Variants in ASB7 observed in about 807,000 individuals in gnomAD.
ASB7 encodes the protein ankyrin repeat and SOCS box protein 7.
Under a neutral mutation model 32.5 loss-of-function variants are expected in ASB7, and 4 were observed. The observed-to-expected ratio is 0.12, with a 90% CI of 0.06 to 0.28. The LOEUF (loss-of-function observed/expected upper bound fraction) is 0.28. Ranked by LOEUF, ASB7 falls within the 10% of genes least tolerant of loss-of-function variation. The probability of loss-of-function intolerance (pLI) is 1.00; values close to 1 mark genes in which losing one functional copy is unlikely to be tolerated. For missense variants in ASB7, 181 were observed against 407.1 expected (o/e 0.44, Z 4.78); for synonymous variants, 172 against 155.6 (o/e 1.11, Z -0.78).
chr15:100,617,476 C>T lies in ASB7; in HGVS notation c.211+5049C>T, dbSNP rs62019329. Among the ~76,000 whole-genome samples, 542 of 152,282 alleles carry T rather than the reference C, an allele frequency of 3.6e-3. 1 individual carries two copies. The highest frequency in any genetic ancestry group is 6.1e-3 in the Non-Finnish European group (415 of 68,028). ...GGTCACGCTTCTGCTCTCTCCCCAC[C>T]CCTGCCCCATCACCTTGCTCTGCCT... On this transcript the variant is annotated intron_variant, in intron 4 of 5. Transcript: ENST00000332783.
intron 5 of ASB7, among the ~76,000 whole-genome samples, chr15:100,643,500 TTTTG>T (rs1333667373): frequency 6.9e-6 from 1 of 144,128 alleles, no homozygotes; most frequent in Non-Finnish European, 1.5e-5. Flanking sequence ...TTTTTTTTTT[TTTTG>T]AGGCAGAGGC....
intron 5 of ASB7, among the ~76,000 whole-genome samples, chr15:100,640,774 G>C (rs1008898162): frequency 6.6e-6 from 1 of 152,186 alleles, no homozygotes; most frequent in Admixed American, 6.5e-5. Context: ...GATGTCACAG[G>C]GAGGTGATTT....
In ASB7 at chr15:100,650,607, A is replaced by G. The variant is rs1379194042; in HGVS notation, c.*2145A>G. 6.6e-6 allele frequency: 1 copy of G among 152,146 alleles called. No individual in the cohort carries two copies. The highest frequency in any genetic ancestry group is 1.5e-5 in the Non-Finnish European group (1 of 68,016). The allele number at this position is 152,146 out of a possible 1,614,324, so 9.4% of individuals were successfully genotyped here. A position where few individuals can be genotyped will look rare whatever the true frequency, so the allele number is the denominator to read the frequency against. ...CATTCAGAGGTTTCCAAACTAAGCC[A>G]CTGAGTTTGAGTCAGGGAATTCCAC... is the stretch of plus-strand genomic sequence containing the variant. On this transcript the variant is annotated 3_prime_UTR_variant, in exon 6 of 6. Coordinates refer to ENST00000332783, the MANE Select transcript of ASB7 (RefSeq NM_198243.3).
At chr15:100,645,519 C>T (rs2039991840) in intron 5 of ASB7, 1 of 650,528 alleles carries the variant, frequency 1.5e-6, no homozygotes, top group African/African-American at 1.8e-5. Flanking sequence ...AGAACTTTCT[C>T]TTCATGAGCA....
Position 100,651,274 on chromosome 15 carries a change from A to G in ASB7, c.*2812A>G, listed in dbSNP as rs2040030387. 1 of 151,276 alleles carries G rather than the reference A, an allele frequency of 6.6e-6. No homozygotes were observed. Among genetic ancestry groups the G allele is most frequent in the Non-Finnish European group, 1.5e-5 (1 of 67,896 alleles). 9.4% of individuals were successfully genotyped at this position (151,276 alleles called of 1,614,324 possible). ...GTGTTTTTTAGATTATTTAATTCCC[A>G]TATTTCTAAACTATTTACTACACAG... is the stretch of plus-strand genomic sequence containing the variant. On this transcript the variant is annotated 3_prime_UTR_variant, in exon 6 of 6. Coordinates refer to ENST00000332783, the MANE Select transcript of ASB7 (RefSeq NM_198243.3).
intron 3 of ASB7, among the ~76,000 whole-genome samples, chr15:100,611,615 G>A (rs1476945847): frequency 1.3e-5 from 2 of 150,290 alleles, no homozygotes; most frequent in Admixed American, 1.3e-4. Flanking sequence ...AAATAGCTGG[G>A]ATTACAGACA....
chr15:100,607,368 C>T (rs890724149), intron 2 of ASB7, among the ~76,000 whole-genome samples: 4 of 152,186 alleles, frequency 2.6e-5, no homozygotes, highest in South Asian at 2.1e-4. Flanking sequence ...CATTTATACA[C>T]GTGACTCGAC....
intron 5 of ASB7, among the ~76,000 whole-genome samples, chr15:100,638,180 A>C (rs1339116273): frequency 6.6e-6 from 1 of 152,224 alleles, no homozygotes; most frequent in Non-Finnish European, 1.5e-5. Flanking sequence ...TCAGATTTTT[A>C]AGGGTGTCCT....
intron 4 of ASB7, among the ~76,000 whole-genome samples, chr15:100,617,305 G>A (rs923188174): frequency 6.6e-6 from 1 of 152,186 alleles, no homozygotes; most frequent in African/African-American, 2.4e-5. Flanking sequence ...ATTTCTCTTA[G>A]GATGATATTC....
intron 4 of ASB7, among the ~76,000 whole-genome samples, chr15:100,620,194 T>C (rs2039779262): frequency 2.6e-5 from 4 of 152,252 alleles, no homozygotes. Flanking sequence ...TACGCATATC[T>C]TCCTGTGTAC....
rs1256897983 is a variant in ASB7, at chr15:100,650,101, G to T, written c.*1639G>T. The stretch of plus-strand genomic sequence containing the variant: ...TTGCACAGGTTTCCGAAGACGGGCA[G>T]CTTCAGAGAAGAGGATTATTCGGGA... On this transcript the variant is annotated 3_prime_UTR_variant, in exon 6 of 6. Transcript: ENST00000332783. 6.6e-6 allele frequency: 1 copy of T among 152,262 alleles called. No homozygotes were observed. The highest frequency in any genetic ancestry group is 1.5e-5 in the Non-Finnish European group (1 of 68,074). The allele number at this position is 152,262 out of a possible 1,614,324, so 9.4% of individuals were successfully genotyped here. A position where few individuals can be genotyped will look rare whatever the true frequency, so the allele number is the denominator to read the frequency against.
chr15:100,632,571 T>C (rs1289220630), intron 5 of ASB7, among the ~76,000 whole-genome samples: 1 of 152,302 alleles, frequency 6.6e-6, no homozygotes, highest in East Asian at 1.9e-4. Context: ...CAGGGAGCAC[T>C]AAATCAAAGC....
chr15:100,616,963 C>CAA (rs1357152297), intron 4 of ASB7, among the ~76,000 whole-genome samples: 1 of 152,216 alleles, frequency 6.6e-6, no homozygotes, highest in African/African-American at 2.4e-5. Flanking sequence ...ATTCTCACCA[C>CAA]GGTGTTCATT....
intron 5 of ASB7, among the ~76,000 whole-genome samples, chr15:100,643,430 T>A (rs2039974476): frequency 1.3e-5 from 2 of 150,516 alleles, no homozygotes; most frequent in Non-Finnish European, 3.0e-5. Flanking sequence ...AACAAATCCA[T>A]ATCAGCAGAT....
At chr15:100,608,126 T>C (rs1390826174) in intron 2 of ASB7, among the ~76,000 whole-genome samples, 1 of 152,210 alleles carries the variant, frequency 6.6e-6, no homozygotes. Flanking sequence ...TCTTGAAATG[T>C]AGATGTAGCT....
In ASB7 at chr15:100,651,434, G is replaced by C. The variant is rs1213746154; in HGVS notation, c.*2972G>C. 6.6e-6 allele frequency: 1 copy of C among 152,104 alleles called. No homozygotes were observed. Among genetic ancestry groups the C allele is most frequent in the Non-Finnish European group, 1.5e-5 (1 of 68,030 alleles). The allele number at this position is 152,104 out of a possible 1,614,324, so 9.4% of individuals were successfully genotyped here. A position where few individuals can be genotyped will look rare whatever the true frequency, so the allele number is the denominator to read the frequency against. On this transcript the variant is annotated 3_prime_UTR_variant, in exon 6 of 6. Transcript: ENST00000332783. ...AAGAGTACACATCTGGAGCATGAGG[G>C]ACTCTAGCATGACTCGTCAGATGCA...
At chr15:100,631,473 C>G (rs2039883077) in intron 5 of ASB7, among the ~76,000 whole-genome samples, 1 of 152,150 alleles carries the variant, frequency 6.6e-6, no homozygotes, top group South Asian at 2.1e-4. Flanking sequence ...AGTTGGGAGA[C>G]GTGATACCCG....
At chr15:100,624,828 A>G (rs146387461) in intron 4 of ASB7, among the ~76,000 whole-genome samples, 2,058 of 152,300 alleles carry the variant, frequency 0.014, 39 homozygotes, top group African/African-American at 0.047. Flanking sequence ...GAAGAAAACT[A>G]TAAGCCAATA....
Position 100,629,498 on chromosome 15 carries a change from T to C in ASB7, c.273T>C (p.His91=). 1 of 1,614,024 alleles carries C rather than the reference T, an allele frequency of 6.2e-7. No homozygotes were observed. Among genetic ancestry groups the C allele is most frequent in the Non-Finnish European group, 8.5e-7 (1 of 1,179,836 alleles). ...GFTALHYAAM[H]GRARIARLML... ...CGGCTCTTCACTATGCAGCCATGCA[T>C]GGCCGGGCCCGCATTGCACGCTTGA... The change falls in exon 5 of 6, where the codon CAT becomes CAC. Residue 91 remains histidine (H), a synonymous_variant. Transcript: ENST00000332783. This position sits in a 1 kb window ranked among gnomAD's most constrained non-coding sequence, Gnocchi z 6.8.
Sources: allele counts gnomAD v4.1 joint callset (sites outside exome capture counted in the v4.1 genomes callset), GRCh38; gene constraint gnomAD v4.1.1; non-coding constraint Gnocchi (gnomAD v3.1); transcripts MANE v1.5; gene names NCBI Gene and HGNC (gene_info 2026-07-23, HGNC 2026-07-21).